Variants in KATNA1 observed in about 807,000 individuals in gnomAD.
KATNA1 encodes katanin catalytic subunit A1.
KATNA1 carries 42 observed loss-of-function variants against 62.6 expected under a neutral mutation model. The ratio of observed to expected loss-of-function variants is 0.67; its 90% CI spans 0.52 to 0.87. The LOEUF (loss-of-function observed/expected upper bound fraction) is 0.87, where lower values mean the gene tolerates loss of function less well. Among genes scored for constraint, KATNA1 ranks in the 40% least tolerant of loss-of-function variants. The pLI is 0.00. For synonymous variants in KATNA1, 186 were observed against 201.9 expected, an observed-to-expected ratio of 0.92 and a Z score of 0.67; for missense variants, 498 against 612.5, an observed-to-expected ratio of 0.81 and a Z score of 1.97.
Position 149,604,690 on chromosome 6 carries a change from A to C in KATNA1, c.594T>G (p.Asp198Glu), listed in dbSNP as rs970653137. 1 of 1,613,324 alleles carries C rather than the reference A, an allele frequency of 6.2e-7. No homozygotes were observed. Among genetic ancestry groups the C allele is most frequent in the Non-Finnish European group, 8.5e-7 (1 of 1,179,290 alleles). ...DKDLVEALER[D>E]IISQNPNVRW... ...GAACATTGGGATTCTGGGAAATTAT[A>C]TCTCTTTCCAAAGCTTCTACTAAGT... is the stretch of plus-strand genomic sequence containing the variant. Residue 198 changes from aspartate to glutamate, a missense_variant, in exon 5 of 11, where the codon GAT becomes GAG. This residue lies in a region of KATNA1 where 203 missense variants were observed against 198.4 expected (regional missense o/e 1.02). Transcript: ENST00000367411.
chr6:149,606,808 T>C (rs1315392448), intron 4 of KATNA1, among the ~76,000 whole-genome samples: 3 of 151,986 alleles, frequency 2.0e-5, no homozygotes, highest in Non-Finnish European at 4.4e-5. Flanking sequence ...TTAGTAGAGA[T>C]GGGGTTTCAC....
intron 4 of KATNA1, among the ~76,000 whole-genome samples, chr6:149,621,597 A>G (rs1180625528): frequency 1.3e-5 from 2 of 151,188 alleles, no homozygotes; most frequent in Non-Finnish European, 2.9e-5. Context: ...GGTTCAAGTG[A>G]TTCTCTGGCC....
intron 4 of KATNA1, among the ~76,000 whole-genome samples, chr6:149,621,400 A>G (rs920339362): frequency 1.3e-5 from 2 of 152,084 alleles, no homozygotes; most frequent in Admixed American, 1.3e-4. Context: ...CTGGGATTAC[A>G]GGCGTGAGCC....
intron 10 of KATNA1, 34 bp from the exon 11 acceptor site, chr6:149,595,268 A>G (rs1453085654): frequency 6.4e-7 from 1 of 1,556,362 alleles, no homozygotes; most frequent in South Asian, 1.1e-5. Context: ...AACAACACAC[A>G]CAATGTTACT....
intron 7 of KATNA1, among the ~76,000 whole-genome samples, chr6:149,598,643 C>T (rs1266788662): frequency 6.6e-6 from 1 of 151,936 alleles, no homozygotes; most frequent in African/African-American, 2.4e-5. Context: ...ATCCCTTGAG[C>T]CCAGGAGTTC....
chr6:149,632,289 C>T (rs1779873332), intron 3 of KATNA1, among the ~76,000 whole-genome samples: 1 of 150,824 alleles, frequency 6.6e-6, no homozygotes, highest in Non-Finnish European at 1.5e-5. Context: ...GCAGGGAAGT[C>T]ACTTGAACCC....
At chr6:149,637,017 TG>T (rs1318663638) in intron 2 of KATNA1, among the ~76,000 whole-genome samples, 3 of 152,124 alleles carry the variant, frequency 2.0e-5, no homozygotes, top group African/African-American at 7.2e-5. Context: ...CCACTGGACC[TG>T]TAAGTTCTAC....
chr6:149,627,426 C>A (rs954694240), intron 3 of KATNA1, among the ~76,000 whole-genome samples: 1 of 149,362 alleles, frequency 6.7e-6, no homozygotes, highest in South Asian at 2.1e-4. Flanking sequence ...ATTAGCTGGG[C>A]GTGGTGGTGC....
At chr6:149,628,104 C>T (rs1229317952) in intron 3 of KATNA1, among the ~76,000 whole-genome samples, 1 of 151,182 alleles carries the variant, frequency 6.6e-6, no homozygotes, top group African/African-American at 2.5e-5. Context: ...TCCTTGTACT[C>T]ACATTTTTTT....
chr6:149,637,982 TTTTTTA>T (rs1780134885), intron 2 of KATNA1, among the ~76,000 whole-genome samples: 1 of 152,118 alleles, frequency 6.6e-6, no homozygotes, highest in Non-Finnish European at 1.5e-5. Context: ...TTTTGTTTTG[TTTTTTA>T]TTTTTGAGAC....
intron 2 of KATNA1, 27 bp from the exon 3 acceptor site, chr6:149,632,943 T>G: frequency 6.4e-7 from 1 of 1,572,852 alleles, no homozygotes; most frequent in Non-Finnish European, 8.6e-7. Context: ...AGATGGATGT[T>G]TAAATTTCTA....
intron 6 of KATNA1, 147 bp from the exon 7 acceptor site, chr6:149,601,899 T>C: frequency 2.0e-6 from 1 of 507,904 alleles, no homozygotes; most frequent in Non-Finnish European, 3.2e-6. Flanking sequence ...GAGGATACTT[T>C]GTCACAAATT....
chr6:149,617,975 T>TAAATAATA (rs1562289841), intron 4 of KATNA1, among the ~76,000 whole-genome samples: 1 of 138,184 alleles, frequency 7.2e-6, no homozygotes, highest in African/African-American at 2.7e-5. Flanking sequence ...AATAATAAAA[T>TAAATAATA]AAATAAATAA....
chr6:149,641,865 A>G (rs1456556381), intron 1 of KATNA1, among the ~76,000 whole-genome samples: 1 of 152,150 alleles, frequency 6.6e-6, no homozygotes, highest in East Asian at 1.9e-4. Context: ...TGACCAATAA[A>G]TACAAACTGA....
intron 2 of KATNA1, among the ~76,000 whole-genome samples, chr6:149,636,176 G>A (rs548268560): frequency 1.9e-4 from 29 of 152,134 alleles, no homozygotes; most frequent in Non-Finnish European, 3.4e-4. Flanking sequence ...TTAATCTTAA[G>A]TACCTTTAAA....
intron 3 of KATNA1, among the ~76,000 whole-genome samples, chr6:149,625,443 A>C (rs1374905036): frequency 3.3e-5 from 5 of 152,176 alleles, no homozygotes; most frequent in Non-Finnish European, 7.3e-5. Context: ...AGCCTGGCCA[A>C]CATAGCAAAA....
At chr6:149,622,712 T>G (rs561387866) in intron 4 of KATNA1, among the ~76,000 whole-genome samples, 18 of 131,752 alleles carry the variant, frequency 1.4e-4, no homozygotes, top group Admixed American at 4.9e-4. Flanking sequence ...AAATTTGGGC[T>G]GGGCACAATG....
chr6:149,642,291 G>A (rs575675307), intron 1 of KATNA1, among the ~76,000 whole-genome samples: 1 of 152,150 alleles, frequency 6.6e-6, no homozygotes, highest in Non-Finnish European at 1.5e-5. Context: ...ACATCAATTT[G>A]CAGGAATAAA....
At chr6:149,644,606 G>A (rs1196734593) in intron 1 of KATNA1, among the ~76,000 whole-genome samples, 1 of 151,896 alleles carries the variant, frequency 6.6e-6, no homozygotes, top group African/African-American at 2.4e-5. Flanking sequence ...GGGTAAAAGA[G>A]TAAGGCTCTG....
Sources: allele counts gnomAD v4.1 joint callset (sites outside exome capture counted in the v4.1 genomes callset), GRCh38; gene constraint gnomAD v4.1.1; regional missense constraint gnomAD v4.1.1; transcripts MANE v1.5; gene names NCBI Gene and HGNC (gene_info 2026-07-23, HGNC 2026-07-21).